CCSER1: variants seen among roughly 807,000 people sequenced by gnomAD.
CCSER1 encodes coiled-coil serine rich protein 1.
In CCSER1, 41 loss-of-function variants were observed where a neutral mutation model predicts 82.0. The ratio of observed to expected loss-of-function variants is 0.50; its 90% CI spans 0.39 to 0.65. The LOEUF is 0.65. Ranked by LOEUF, CCSER1 falls within the 30% of genes least tolerant of loss-of-function variation. CCSER1 has a pLI of 0.00. For synonymous variants in CCSER1, 414 were observed against 383.9 expected (o/e 1.08, Z -0.92); for missense variants, 1,119 against 1,064.2 (o/e 1.05, Z -0.72).
At chr4:90,890,914 ACTACT>A (rs1413156182) in intron 8 of CCSER1, among the ~76,000 whole-genome samples, 6 of 152,144 alleles carry the variant, frequency 3.9e-5, no homozygotes, top group South Asian at 2.1e-4. Flanking sequence ...ATTGTAAAAA[ACTACT>A]CTACTATAAT....
intron 4 of CCSER1, among the ~76,000 whole-genome samples, chr4:90,451,917 C>T (rs997201579): frequency 2.6e-5 from 4 of 152,122 alleles, no homozygotes; most frequent in African/African-American, 9.7e-5. Context: ...TAATGAGAGA[C>T]CCATTGGCTG....
chr4:91,279,925 A>G (rs767899921), intron 10 of CCSER1, among the ~76,000 whole-genome samples: 3 of 152,184 alleles, frequency 2.0e-5, no homozygotes, highest in South Asian at 2.1e-4. Flanking sequence ...CTGAAGATGT[A>G]TCTGTGGTGT....
intron 4 of CCSER1, among the ~76,000 whole-genome samples, chr4:90,429,244 T>C (rs531237072): frequency 2.1e-4 from 32 of 151,966 alleles, no homozygotes; most frequent in Admixed American, 8.5e-4. Flanking sequence ...ATGTGAAGTA[T>C]TGATGAAAAA....
chr4:90,245,025 C>G lies in CCSER1; in HGVS notation c.-41-63219C>G, dbSNP rs571721184. Among the ~76,000 whole-genome samples the G allele has an allele frequency of 2.0e-5, 3 of 152,142 alleles. No individual in the cohort carries two copies. The South Asian group carries it at 6.2e-4, about 32-fold the overall frequency. ...CAAAATAAAAATAATACTATCTCTT[C>G]ATGTAAGGTTTTTATGAGGATTAAC... On this transcript the variant is annotated intron_variant, in intron 1 of 10. Transcript: ENST00000509176.
At chr4:90,803,944 G>T (rs1757166858) in intron 7 of CCSER1, among the ~76,000 whole-genome samples, 4 of 152,162 alleles carry the variant, frequency 2.6e-5, no homozygotes, top group Non-Finnish European at 5.9e-5. Context: ...GTTTTGATTT[G>T]CATTTCTCTG....
chr4:90,682,578 T>C (rs941898809), intron 6 of CCSER1, among the ~76,000 whole-genome samples: 5 of 152,068 alleles, frequency 3.3e-5, no homozygotes, highest in South Asian at 4.1e-4. Flanking sequence ...ATATCAATTA[T>C]GGAGCCAGGG....
intron 7 of CCSER1, among the ~76,000 whole-genome samples, chr4:90,735,656 C>T (rs561701961): frequency 6.4e-4 from 97 of 152,104 alleles, no homozygotes; most frequent in African/African-American, 2.3e-3. Context: ...GTTATAATGT[C>T]TCCTTTTTCA....
rs764266861 is a variant in CCSER1, at chr4:90,308,842, A to G, written c.558A>G (p.Ser186=). ...STRKLLPKSF[S]SHYKFSKPVL... is the part of the protein sequence containing the mutation. ...GGAAGCTACTCCCTAAATCTTTTTC[A>G]TCTCACTATAAATTTTCTAAGCCAG... The change falls in exon 2 of 11, where the codon TCA becomes TCG. Residue 186 remains serine (S), a synonymous_variant. Transcript: ENST00000509176. The G allele has an allele frequency of 3.7e-6, 6 of 1,613,752 alleles. No homozygotes were observed. Among genetic ancestry groups the G allele is most frequent in the Non-Finnish European group, 5.1e-6 (6 of 1,179,790 alleles).
At chr4:91,203,852 A>G (rs1427908079) in intron 10 of CCSER1, among the ~76,000 whole-genome samples, 5 of 151,872 alleles carry the variant, frequency 3.3e-5, no homozygotes, top group Non-Finnish European at 7.4e-5. Context: ...TGTTGAATCT[A>G]CAGTTCATTA....
At chr4:91,248,364 A>T (rs572198669) in intron 10 of CCSER1, among the ~76,000 whole-genome samples, 1 of 152,288 alleles carries the variant, frequency 6.6e-6, no homozygotes. Flanking sequence ...AAGAGGAGAA[A>T]AACTAACTTT....
intron 7 of CCSER1, among the ~76,000 whole-genome samples, chr4:90,792,087 G>T (rs745855295): frequency 4.6e-5 from 7 of 152,082 alleles, no homozygotes; most frequent in Admixed American, 6.6e-5. Flanking sequence ...TTGCCTTCTT[G>T]CAGTTCAGTT....
chr4:90,843,383 A>G (rs1051085525), intron 8 of CCSER1, among the ~76,000 whole-genome samples: 2 of 152,208 alleles, frequency 1.3e-5, no homozygotes, highest in Non-Finnish European at 2.9e-5. Context: ...GTAATAAACT[A>G]AGAGTTAGGC....
intron 9 of CCSER1, among the ~76,000 whole-genome samples, chr4:91,050,703 A>T (rs1742934593): frequency 6.6e-6 from 1 of 152,196 alleles, no homozygotes; most frequent in South Asian, 2.1e-4. Flanking sequence ...AAGCCTGAAG[A>T]ACTATCATAG....
At chr4:90,811,995 C>CACACACATATATATAT (rs367800484) in intron 7 of CCSER1, among the ~76,000 whole-genome samples, 8 of 142,772 alleles carry the variant, frequency 5.6e-5, no homozygotes, top group Non-Finnish European at 1.1e-4. Context: ...TATATAAACA[C>CACACACATATATATAT]ATATATATAT....
chr4:90,402,379 T>A (rs1287914119), intron 4 of CCSER1, among the ~76,000 whole-genome samples: 1 of 152,212 alleles, frequency 6.6e-6, no homozygotes, highest in Non-Finnish European at 1.5e-5. Flanking sequence ...TTATTGGGTG[T>A]TGAAATGGTA....
chr4:90,791,333 G>A (rs1755204845), intron 7 of CCSER1, among the ~76,000 whole-genome samples: 2 of 152,226 alleles, frequency 1.3e-5, no homozygotes, highest in South Asian at 4.1e-4. Flanking sequence ...AAACCACATT[G>A]CATGCTGCAG....
At chr4:90,918,330 A>T (rs1480342275) in intron 8 of CCSER1, 1 of 436,028 alleles carries the variant, frequency 2.3e-6, no homozygotes, top group African/African-American at 2.1e-5. Flanking sequence ...TTATGTAGGT[A>T]ATTCAAATAG....
At chr4:91,545,063 A>C (rs561232850) in intron 10 of CCSER1, among the ~76,000 whole-genome samples, 1 of 152,126 alleles carries the variant, frequency 6.6e-6, no homozygotes, top group Non-Finnish European at 1.5e-5. Context: ...GCCACCTTAC[A>C]GTTGGATTTC....
intron 7 of CCSER1, among the ~76,000 whole-genome samples, chr4:90,810,829 A>ATTAT (rs1561177977): frequency 8.5e-6 from 1 of 117,734 alleles, no homozygotes; most frequent in Non-Finnish European, 1.8e-5. Flanking sequence ...ATAAAGAGTA[A>ATTAT]TTCTTTTTTT....
Sources: allele counts gnomAD v4.1 joint callset (sites outside exome capture counted in the v4.1 genomes callset), GRCh38; gene constraint gnomAD v4.1.1; transcripts MANE v1.5; gene names NCBI Gene and HGNC (gene_info 2026-07-23, HGNC 2026-07-21).